The following CATSPER3 variants were observed in gnomAD, a reference collection of about 807,000 sequenced individuals.
CATSPER3 encodes cation channel sperm-associated protein 3.
Under a neutral mutation model 36.6 loss-of-function variants are expected in CATSPER3, and 23 were observed. The ratio of observed to expected loss-of-function variants is 0.63; its 90% CI spans 0.45 to 0.89. The LOEUF is 0.89. CATSPER3 is among the 40% of genes least tolerant of loss of function. The pLI is 0.00. For synonymous variants in CATSPER3, 172 were observed against 184.1 expected (o/e 0.93, Z 0.53); for missense variants, 474 against 503.9 (o/e 0.94, Z 0.57).
intron 3 of CATSPER3, among the ~76,000 whole-genome samples, chr5:134,998,266 T>C (rs1751976738): frequency 6.6e-6 from 1 of 152,262 alleles, no homozygotes; most frequent in Non-Finnish European, 1.5e-5. Context: ...TTTTTATGGC[T>C]GCATAGTATT....
At chr5:134,995,229 A>G (rs1380371394) in intron 2 of CATSPER3, among the ~76,000 whole-genome samples, 1 of 152,126 alleles carries the variant, frequency 6.6e-6, no homozygotes, top group Non-Finnish European at 1.5e-5. Flanking sequence ...ATTGAACATT[A>G]GGTCTTATTT....
intron 3 of CATSPER3, 136 bp downstream of exon 3, chr5:134,996,648 C>CCAGTTGTTGAGT: frequency 1.3e-6 from 1 of 764,444 alleles, no homozygotes. Context: ...TTGATCTTTA[C>CCAGTTGTTGAGT]CAATATTATC....
In CATSPER3 at chr5:135,009,357, G is replaced by T. The variant is rs376864680; in HGVS notation, c.817-14G>T. The T allele has an allele frequency of 4.3e-6, 7 of 1,612,810 alleles. No individual in the cohort carries two copies. Among genetic ancestry groups the T allele is most frequent in the Non-Finnish European group, 5.9e-6 (7 of 1,179,340 alleles). Reference sequence around the variant, plus strand: ...CGAGAGCCTGTAGTTGACCTCCATCGTCTGACTCTCTAGGACTCCATCAGA... The same window carrying T: ...CGAGAGCCTGTAGTTGACCTCCATCTTCTGACTCTCTAGGACTCCATCAGA... On this transcript the variant is annotated splice_polypyrimidine_tract_variant and intron_variant, in intron 5 of 7. Coordinates refer to ENST00000282611, the MANE Select transcript of CATSPER3 (RefSeq NM_178019.3).
chr5:135,011,692 T>C lies in CATSPER3; in HGVS notation c.*69T>C, dbSNP rs1424201551. 1.9e-6 allele frequency: 2 copies of C among 1,055,920 alleles called. No individual in the cohort carries two copies. Among genetic ancestry groups the C allele is most frequent in the Admixed American group, 3.8e-5 (2 of 53,036 alleles). The allele number at this position is 1,055,920 out of a possible 1,614,324, so 65.4% of individuals were successfully genotyped here. ...ACAGGTCCCTATTAAACACAGGCTT[T>C]CTGAGTTGTCCTCTCCAGAGTTGCT... On this transcript the variant is annotated 3_prime_UTR_variant, in exon 8 of 8. Coordinates refer to ENST00000282611, the MANE Select transcript of CATSPER3 (RefSeq NM_178019.3).
chr5:134,972,779 C>A (rs566951050), intron 2 of CATSPER3, among the ~76,000 whole-genome samples: 1 of 152,122 alleles, frequency 6.6e-6, no homozygotes, highest in Non-Finnish European at 1.5e-5. Flanking sequence ...TGGAACTATA[C>A]GTTGAAAGAG....
chr5:134,986,372 G>C (rs1200543048), intron 2 of CATSPER3, among the ~76,000 whole-genome samples: 2 of 151,394 alleles, frequency 1.3e-5, no homozygotes, highest in Non-Finnish European at 2.9e-5. Context: ...TCGAACTCCT[G>C]ACCTCAGGTG....
intron 2 of CATSPER3, among the ~76,000 whole-genome samples, chr5:134,991,917 G>A (rs1458973350): frequency 6.6e-6 from 1 of 152,132 alleles, no homozygotes; most frequent in East Asian, 1.9e-4. Flanking sequence ...GATTGCTTGA[G>A]CCCAGTTTGA....
At chr5:134,971,620 A>G (rs1352662244) in intron 2 of CATSPER3, among the ~76,000 whole-genome samples, 4 of 152,218 alleles carry the variant, frequency 2.6e-5, no homozygotes, top group Admixed American at 6.5e-5. Flanking sequence ...AGCATTTGAT[A>G]TCAGTAACAG....
chr5:134,975,949 G>A (rs1318118435), intron 2 of CATSPER3, among the ~76,000 whole-genome samples: 1 of 151,994 alleles, frequency 6.6e-6, no homozygotes, highest in Non-Finnish European at 1.5e-5. Flanking sequence ...ATGTAACAAA[G>A]GACAAAATCC....
intron 2 of CATSPER3, among the ~76,000 whole-genome samples, chr5:134,994,877 T>A (rs550982550): frequency 3.3e-4 from 50 of 152,236 alleles, no homozygotes; most frequent in African/African-American, 1.2e-3. Context: ...TTGTCTCAAT[T>A]CCTGGCTTCA....
intron 2 of CATSPER3, among the ~76,000 whole-genome samples, chr5:134,978,899 T>A (rs1020300857): frequency 6.6e-6 from 1 of 151,918 alleles, no homozygotes; most frequent in South Asian, 2.1e-4. Flanking sequence ...TATTTTTGTA[T>A]TTTTAGTAGA....
chr5:134,997,628 C>G (rs572199979), intron 3 of CATSPER3, among the ~76,000 whole-genome samples: 3 of 152,328 alleles, frequency 2.0e-5, no homozygotes, highest in East Asian at 3.9e-4. Flanking sequence ...TTTCCTCCAG[C>G]CTGACTTCTC....
chr5:135,002,772 C>T (rs909664737), intron 3 of CATSPER3, among the ~76,000 whole-genome samples: 38 of 152,254 alleles, frequency 2.5e-4, no homozygotes, highest in African/African-American at 8.4e-4. Context: ...GCATGCATCG[C>T]GTAGTTCTCG....
intron 2 of CATSPER3, among the ~76,000 whole-genome samples, chr5:134,979,917 TCCTC>T (rs796649573): frequency 6.9e-5 from 10 of 144,302 alleles, no homozygotes; most frequent in South Asian, 2.2e-4. Flanking sequence ...GAACTTTTCT[TCCTC>T]CCTCCCTCCC....
chr5:134,969,373 A>T (rs1751573003), intron 1 of CATSPER3: 1 of 160,756 alleles, frequency 6.2e-6, no homozygotes, highest in African/African-American at 2.4e-5. Flanking sequence ...ATAAACAAAA[A>T]CAATGGTTTT....
At chr5:134,999,537 A>G (rs1751994514) in intron 3 of CATSPER3, among the ~76,000 whole-genome samples, 1 of 152,212 alleles carries the variant, frequency 6.6e-6, no homozygotes, top group East Asian at 1.9e-4. Context: ...CTTCCTATCC[A>G]TGAGCATGGA....
rs1364496428 is a variant in CATSPER3, at chr5:135,011,510, C to T, written c.1095-11C>T. ...ACCTCAGATCTTATCTCCTCCTGCT[C>T]CATTTTTCAGGCTTCAAGAGCTGTA... On this transcript the variant is annotated splice_polypyrimidine_tract_variant and intron_variant, in intron 7 of 7. Transcript: ENST00000282611. The T allele has an allele frequency of 6.2e-6, 10 of 1,607,436 alleles. No individual in the cohort carries two copies. Among genetic ancestry groups the T allele is most frequent in the African/African-American group, 1.3e-5 (1 of 74,744 alleles).
intron 2 of CATSPER3, among the ~76,000 whole-genome samples, chr5:134,980,412 C>A (rs1751736449): frequency 6.8e-6 from 1 of 146,988 alleles, no homozygotes; most frequent in Non-Finnish European, 1.5e-5. Context: ...TTCCTTTCCT[C>A]CTTTCTTTTT....
intron 2 of CATSPER3, among the ~76,000 whole-genome samples, chr5:134,975,576 G>C (rs1198116201): frequency 6.6e-6 from 1 of 152,328 alleles, no homozygotes; most frequent in African/African-American, 2.4e-5. Flanking sequence ...TTGCACCACT[G>C]CACTCCCAGC....
Sources: allele counts gnomAD v4.1 joint callset (sites outside exome capture counted in the v4.1 genomes callset), GRCh38; gene constraint gnomAD v4.1.1; transcripts MANE v1.5; gene names NCBI Gene and HGNC (gene_info 2026-07-23, HGNC 2026-07-21).